Variants in DDX46 observed in about 807,000 individuals in gnomAD.
DDX46 encodes DEAD-box helicase 46, also known as probable ATP-dependent RNA helicase DDX46.
Under a neutral mutation model 134.9 loss-of-function variants are expected in DDX46, and 30 were observed. The ratio of observed to expected loss-of-function variants is 0.22; its 90% CI spans 0.17 to 0.30. The LOEUF is 0.30. Ranked by LOEUF, DDX46 falls within the 10% of genes least tolerant of loss-of-function variation. The pLI, the probability that DDX46 is intolerant of heterozygous loss-of-function variation, is 1.00. For synonymous variants in DDX46, 415 were observed against 404.1 expected (o/e 1.03, Z -0.32); for missense variants, 622 against 1,248.7 (o/e 0.50, Z 7.56).
At position 134,793,479 on chromosome 5, in the gene DDX46, A is replaced by C. The variant is rs1580799019; in HGVS notation, c.1627-1371A>C. On this transcript the variant is annotated intron_variant, in intron 13 of 22. Transcript: ENST00000452510. ...CACCTAGGCTGAAGTGCAGTGGCTC[A>C]CTGCAACCTCCGCCTCCCAGGTTCA... is the stretch of plus-strand genomic sequence containing the variant. Among the ~76,000 whole-genome samples, 4 of 152,136 alleles carry C rather than the reference A, an allele frequency of 2.6e-5. No homozygotes were observed. In the East Asian group the frequency reaches 5.8e-4, roughly 22 times the overall value.
chr5:134,814,517 C>A (rs1265813866), intron 18 of DDX46, among the ~76,000 whole-genome samples: 1 of 152,138 alleles, frequency 6.6e-6, no homozygotes, highest in Non-Finnish European at 1.5e-5. Context: ...GATTGTAATA[C>A]CATGAATGCT....
Position 134,796,165 on chromosome 5 carries a change from G to C in DDX46, c.1954+15G>C, listed in dbSNP as rs1388693464. ...TCTTCATGGAGGTAATTATTCACTTGATTCACACATAAAATATCTATTAAG... is the reference window on the plus strand; with the variant it reads ...TCTTCATGGAGGTAATTATTCACTTCATTCACACATAAAATATCTATTAAG... On this transcript the variant is annotated intron_variant, in intron 15 of 22. Transcript: ENST00000452510. 2 of 1,611,440 alleles carry C rather than the reference G, an allele frequency of 1.2e-6. No homozygotes were observed. Among genetic ancestry groups the C allele is most frequent in the Non-Finnish European group, 1.7e-6 (2 of 1,179,310 alleles).
At chr5:134,818,218 C>T (rs548633068) in intron 20 of DDX46, among the ~76,000 whole-genome samples, 2 of 151,582 alleles carry the variant, frequency 1.3e-5, no homozygotes, top group African/African-American at 4.8e-5. Context: ...CTCGGCCTCC[C>T]AAAGTGCTGG....
intron 11 of DDX46, 58 bp downstream of exon 11, chr5:134,785,644 T>A (rs1754308783): frequency 6.5e-7 from 1 of 1,546,742 alleles, no homozygotes; most frequent in Non-Finnish European, 8.7e-7. Context: ...GATGATTCAA[T>A]AAAGTAAAAG....
At chr5:134,791,304 G>A (rs1005454788) in intron 13 of DDX46, among the ~76,000 whole-genome samples, 1 of 152,142 alleles carries the variant, frequency 6.6e-6, no homozygotes, top group Admixed American at 6.6e-5. Flanking sequence ...AAATTTCAGT[G>A]ATACACATTT....
At chr5:134,818,708 G>GAAA in intron 20 of DDX46, 152 bp from the exon 21 acceptor site, 3 of 334,646 alleles carry the variant, frequency 9.0e-6, no homozygotes, top group African/African-American at 3.3e-5. Flanking sequence ...CGTCTCAAAA[G>GAAA]AAAAAAAAAA....
chr5:134,775,819 C>T (rs113457260), intron 5 of DDX46, among the ~76,000 whole-genome samples: 46 of 152,086 alleles, frequency 3.0e-4, no homozygotes, highest in Non-Finnish European at 5.7e-4. Context: ...TAATTCTAGA[C>T]AATCTAATCT....
rs958427714 is a variant in DDX46 at position 134,830,206 on chromosome 5, T to A, written c.*1500T>A. The A allele has an allele frequency of 3.3e-5, 5 of 151,990 alleles. No individual in the cohort carries two copies. In the South Asian group the frequency reaches 1.0e-3, roughly 31 times the overall value. 9.4% of individuals were successfully genotyped at this position (151,990 alleles called of 1,614,324 possible). A position where few individuals can be genotyped will look rare whatever the true frequency, so the allele number is the denominator to read the frequency against. Reference sequence around the variant, plus strand: ...AAAAGAAAAAAAGAATGTAAAATTTTAAAAATACAGTTTAACAGCTGTAAA... The same window carrying A: ...AAAAGAAAAAAAGAATGTAAAATTTAAAAAATACAGTTTAACAGCTGTAAA... On this transcript the variant is annotated 3_prime_UTR_variant, in exon 23 of 23. Coordinates refer to ENST00000452510, the MANE Select transcript of DDX46 (RefSeq NM_001300860.2).
At chr5:134,802,417 C>T (rs977351554) in intron 15 of DDX46, among the ~76,000 whole-genome samples, 2 of 151,772 alleles carry the variant, frequency 1.3e-5, no homozygotes, top group African/African-American at 4.8e-5. Flanking sequence ...CCACCTCGGC[C>T]TCCCAAAGTG....
rs577031449 is a variant in DDX46 at position 134,793,973 on chromosome 5, T to C, written c.1627-877T>C. Among the ~76,000 whole-genome samples, 5 of 152,266 alleles carry C rather than the reference T, an allele frequency of 3.3e-5. No homozygotes were observed. In the South Asian group the frequency reaches 8.3e-4, roughly 25 times the overall value. On this transcript the variant is annotated intron_variant, in intron 13 of 22. Transcript: ENST00000452510. Reference sequence around the variant, plus strand: ...AATCTCCTAGTATTTAATTTTTGGCTGTCGAAAGGAGAAAAATTAAGGCAG... The same window carrying C: ...AATCTCCTAGTATTTAATTTTTGGCCGTCGAAAGGAGAAAAATTAAGGCAG...
chr5:134,771,067 T>G, intron 4 of DDX46, 68 bp downstream of exon 4: 1 of 680,740 alleles, frequency 1.5e-6, no homozygotes, highest in Non-Finnish European at 2.5e-6. Context: ...TTTTCTTTCT[T>G]TCCCTCTTTC....
At chr5:134,787,532 ATTAC>A (rs1754375098) in intron 11 of DDX46, among the ~76,000 whole-genome samples, 1 of 152,148 alleles carries the variant, frequency 6.6e-6, no homozygotes, top group Admixed American at 6.6e-5. Flanking sequence ...TGCTATTTTA[ATTAC>A]TTCAAATTAC....
At chr5:134,821,182 C>T (rs1464229719) in intron 21 of DDX46, among the ~76,000 whole-genome samples, 1 of 151,846 alleles carries the variant, frequency 6.6e-6, no homozygotes, top group Non-Finnish European at 1.5e-5. Flanking sequence ...GGACTACAGG[C>T]GCCCACCACC....
Position 134,830,641 on chromosome 5 carries a change from C to T in DDX46, c.*1935C>T, listed in dbSNP as rs1172071230. 2.0e-5 allele frequency: 3 copies of T among 152,404 alleles called. No individual in the cohort carries two copies. The highest frequency in any genetic ancestry group is 4.4e-5 in the Non-Finnish European group (3 of 68,000). The allele number at this position is 152,404 out of a possible 1,614,324, so 9.4% of individuals were successfully genotyped here. A position where few individuals can be genotyped will look rare whatever the true frequency, so the allele number is the denominator to read the frequency against. On this transcript the variant is annotated 3_prime_UTR_variant, in exon 23 of 23. Transcript: ENST00000452510. ...TTCTTCCTGAAAAAGTAAGATATAC[C>T]TGGGAAATATTCTTGGATCCTTCAC...
chr5:134,826,472 CTT>C (rs1420109846), intron 21 of DDX46: 1 of 152,428 alleles, frequency 6.6e-6, no homozygotes, highest in Non-Finnish European at 1.5e-5. Context: ...GCAAAATACT[CTT>C]ATGGTATCTT....
rs183003643 is a variant in DDX46 at position 134,818,439 on chromosome 5, C to T, written c.2833-421C>T. Among the ~76,000 whole-genome samples the T allele has an allele frequency of 1.0e-3, 156 of 151,064 alleles. 3 individuals carry two copies. In the East Asian group the frequency reaches 0.025, roughly 24 times the overall value. ...CCATAGGGCCCGGTGAGGTGGCTCA[C>T]GCCTGGAATCCCAGCACTTTGGGAG... is the stretch of plus-strand genomic sequence containing the variant. On this transcript the variant is annotated intron_variant, in intron 20 of 22. Coordinates refer to ENST00000452510, the MANE Select transcript of DDX46 (RefSeq NM_001300860.2).
chr5:134,811,081 ACT>A (rs1479234384), intron 16 of DDX46, 138 bp from the exon 17 acceptor site: 19 of 639,028 alleles, frequency 3.0e-5, no homozygotes, highest in Non-Finnish European at 4.6e-5. Context: ...ATTTAGTAAG[ACT>A]CTTTCGTGGC....
intron 18 of DDX46, among the ~76,000 whole-genome samples, chr5:134,814,386 G>A (rs755558223): frequency 6.6e-6 from 1 of 152,110 alleles, no homozygotes. Context: ...GGGTGTTAAA[G>A]TAATATATAA....
intron 15 of DDX46, among the ~76,000 whole-genome samples, chr5:134,806,524 TAAAC>T (rs957396183): frequency 2.6e-5 from 4 of 152,248 alleles, no homozygotes; most frequent in African/African-American, 9.6e-5. Flanking sequence ...TTTCAAATTA[TAAAC>T]AAATTTATAT....
Sources: allele counts gnomAD v4.1 joint callset (sites outside exome capture counted in the v4.1 genomes callset), GRCh38; gene constraint gnomAD v4.1.1; transcripts MANE v1.5; gene names NCBI Gene and HGNC (gene_info 2026-07-23, HGNC 2026-07-21).